CHRM5: variants seen among roughly 807,000 people sequenced by gnomAD.
CHRM5 encodes cholinergic receptor muscarinic 5.
In CHRM5, 18 loss-of-function variants were observed where a neutral mutation model predicts 39.0. The ratio of observed to expected loss-of-function variants is 0.46; its 90% CI spans 0.32 to 0.68. The LOEUF is 0.68. Among genes scored for constraint, CHRM5 ranks in the 30% least tolerant of loss-of-function variants. The probability of loss-of-function intolerance (pLI) is 0.04; values close to 1 mark genes in which losing one functional copy is unlikely to be tolerated. For missense variants in CHRM5, 515 were observed against 651.1 expected (o/e 0.79, Z 2.28); for synonymous variants, 241 against 246.3 (o/e 0.98, Z 0.20).
intron 1 of CHRM5, among the ~76,000 whole-genome samples, chr15:34,044,808 T>C (rs968886616): frequency 1.3e-5 from 2 of 152,190 alleles, no homozygotes; most frequent in African/African-American, 4.8e-5. Context: ...CCCAGCACTT[T>C]GGGAGGCCGA....
chr15:34,030,730 CCT>C (rs1898748271), intron 1 of CHRM5, among the ~76,000 whole-genome samples: 1 of 152,060 alleles, frequency 6.6e-6, no homozygotes, highest in Non-Finnish European at 1.5e-5. Flanking sequence ...AATCTTCCTG[CCT>C]CGGCCTCCTG....
At chr15:34,004,662 T>C (rs1897266654) in intron 1 of CHRM5, among the ~76,000 whole-genome samples, 1 of 152,160 alleles carries the variant, frequency 6.6e-6, no homozygotes. Flanking sequence ...AGATAGGACA[T>C]GTGAGGTTTG....
At chr15:33,988,716 C>T (rs980224291) in intron 1 of CHRM5, among the ~76,000 whole-genome samples, 1 of 152,158 alleles carries the variant, frequency 6.6e-6, no homozygotes, top group Non-Finnish European at 1.5e-5. Context: ...GTAGAATTAT[C>T]GCAAAATTAA....
intron 1 of CHRM5, among the ~76,000 whole-genome samples, chr15:33,997,305 T>A (rs1021112620): frequency 2.6e-5 from 4 of 152,068 alleles, no homozygotes; most frequent in South Asian, 2.1e-4. Flanking sequence ...CAAGACTACT[T>A]TTTTTTTAAC....
At chr15:34,000,601 T>C (rs542278690) in intron 1 of CHRM5, among the ~76,000 whole-genome samples, 72 of 152,336 alleles carry the variant, frequency 4.7e-4, no homozygotes, top group African/African-American at 1.7e-3. Flanking sequence ...AAAGCAGAAT[T>C]GTTTCAAGGA....
chr15:34,016,259 C>G (rs948336965), intron 1 of CHRM5, among the ~76,000 whole-genome samples: 1 of 152,074 alleles, frequency 6.6e-6, no homozygotes, highest in Non-Finnish European at 1.5e-5. Context: ...AAAACAAAAC[C>G]GGAAAGCAAC....
At chr15:34,010,779 AAAT>A (rs1897603205) in intron 1 of CHRM5, among the ~76,000 whole-genome samples, 1 of 152,234 alleles carries the variant, frequency 6.6e-6, no homozygotes, top group Non-Finnish European at 1.5e-5. Context: ...TATAACTGAA[AAAT>A]AATACTAATT....
rs577133970 is a variant in CHRM5, at chr15:33,975,956, C to T, written c.-408+6806C>T. 3.9e-5 allele frequency among the ~76,000 whole-genome samples: 6 copies of T among 152,104 alleles called. No homozygotes were observed. In the South Asian group the frequency reaches 1.2e-3, roughly 32 times the overall value. On this transcript the variant is annotated intron_variant, in intron 1 of 2. Coordinates refer to ENST00000383263, the MANE Select transcript of CHRM5 (RefSeq NM_012125.4). ...AGAAGAAAAGAAAAGAAAGAAATAC[C>T]AGGTCCCTTGCATAATATTCTAGTA... is the stretch of plus-strand genomic sequence containing the variant.
At chr15:34,052,246 A>C (rs930074258) in intron 2 of CHRM5, among the ~76,000 whole-genome samples, 1 of 152,200 alleles carries the variant, frequency 6.6e-6, no homozygotes, top group Non-Finnish European at 1.5e-5. Context: ...AAGAAAAAAA[A>C]CCACATGATT....
intron 1 of CHRM5, among the ~76,000 whole-genome samples, chr15:34,002,005 A>G (rs1001790866): frequency 6.6e-6 from 1 of 152,220 alleles, no homozygotes; most frequent in Non-Finnish European, 1.5e-5. Flanking sequence ...TTAGCGACGT[A>G]ATTGCAGATT....
At chr15:34,043,562 G>C (rs1680172638) in intron 1 of CHRM5, among the ~76,000 whole-genome samples, 1 of 152,118 alleles carries the variant, frequency 6.6e-6, no homozygotes, top group Non-Finnish European at 1.5e-5. Context: ...GAGAGACTCT[G>C]GCATGAGCTA....
chr15:34,022,634 G>A (rs1898252928), intron 1 of CHRM5, among the ~76,000 whole-genome samples: 1 of 152,184 alleles, frequency 6.6e-6, no homozygotes. Context: ...CTTGGAGTTA[G>A]AATACTAACA....
intron 1 of CHRM5, among the ~76,000 whole-genome samples, chr15:33,992,389 C>CAA (rs145900095): frequency 0.079 from 11,499 of 146,264 alleles, 504 homozygotes; most frequent in South Asian, 0.17. Context: ...GACTCCGTCT[C>CAA]AAAAAAAAAG....
Position 34,046,778 on chromosome 15 carries a change from A to G in CHRM5, c.-169A>G, listed in dbSNP as rs1899701593. ...TGGGACTAATTGGGCAAACAACTTG[A>G]CCCACAGAAAACAAAGAAAAGCAGG... On this transcript the variant is annotated 5_prime_UTR_variant, in exon 2 of 3. Transcript: ENST00000383263. The G allele has an allele frequency of 6.6e-6, 1 of 152,394 alleles. No homozygotes were observed. The highest frequency in any genetic ancestry group is 6.5e-5 in the Admixed American group (1 of 15,292). 9.4% of individuals were successfully genotyped at this position (152,394 alleles called of 1,614,324 possible).
intron 1 of CHRM5, chr15:34,038,760 CA>C (rs1899296121): frequency 1.7e-6 from 2 of 1,162,998 alleles, no homozygotes; most frequent in East Asian, 7.9e-5. Flanking sequence ...GTCCCAGCCC[CA>C]CCAGCCGTCG....
At chr15:34,028,695 G>A (rs1898614876) in intron 1 of CHRM5, among the ~76,000 whole-genome samples, 1 of 152,144 alleles carries the variant, frequency 6.6e-6, no homozygotes, top group South Asian at 2.1e-4. Context: ...GCTGTGTAAG[G>A]TAGATATCCT....
Position 34,062,566 on chromosome 15 carries a change from A to C in CHRM5, c.-75-77A>C, listed in dbSNP as rs540561757. 6 of 681,092 alleles carry C rather than the reference A, an allele frequency of 8.8e-6. No homozygotes were observed. In the African/African-American group the frequency reaches 1.1e-4, roughly 12 times the overall value. 42.2% of individuals were successfully genotyped at this position (681,092 alleles called of 1,614,324 possible). A position where few individuals can be genotyped will look rare whatever the true frequency, so the allele number is the denominator to read the frequency against. ...CGAGATTCTGTCTCAAAAAAAAAAAAAAAAAAAACTATAAACAATGGATGG... is the reference window on the plus strand; with the variant it reads ...CGAGATTCTGTCTCAAAAAAAAAAACAAAAAAAACTATAAACAATGGATGG... On this transcript the variant is annotated intron_variant, in intron 2 of 2. Transcript: ENST00000383263.
rs1281007937 is a variant in CHRM5, at chr15:34,052,809, A to G, written c.-76+5938A>G. Among the ~76,000 whole-genome samples the G allele has an allele frequency of 3.9e-5, 6 of 152,206 alleles. No homozygotes were observed. The South Asian group carries it at 1.2e-3, about 32-fold the overall frequency. On this transcript the variant is annotated intron_variant, in intron 2 of 2. Coordinates refer to ENST00000383263, the MANE Select transcript of CHRM5 (RefSeq NM_012125.4). The stretch of plus-strand genomic sequence containing the variant: ...ACAAGGGAAGTGAAGGACCTCTTCA[A>G]GGAGAACTGCAAACCAATGCTCAAT...
chr15:34,028,886 A>C (rs142650966), intron 1 of CHRM5, among the ~76,000 whole-genome samples: 1 of 152,234 alleles, frequency 6.6e-6, no homozygotes, highest in African/African-American at 2.4e-5. Context: ...GAGGAAAAAC[A>C]CACAGATGCC....
Sources: allele counts gnomAD v4.1 joint callset (sites outside exome capture counted in the v4.1 genomes callset), GRCh38; gene constraint gnomAD v4.1.1; transcripts MANE v1.5; gene names NCBI Gene and HGNC (gene_info 2026-07-23, HGNC 2026-07-21).